Variants in MYO5B observed in about 807,000 individuals in gnomAD.
The protein encoded by MYO5B is unconventional myosin-Vb.
MYO5B carries 143 observed loss-of-function variants against 229.3 expected under a neutral mutation model. That is an observed-to-expected ratio of 0.62 (90% CI 0.54 to 0.72). The LOEUF (loss-of-function observed/expected upper bound fraction) is 0.72. Among genes scored for constraint, MYO5B ranks in the 30% least tolerant of loss-of-function variants. The pLI, the probability that MYO5B is intolerant of heterozygous loss-of-function variation, is 0.00. For synonymous variants in MYO5B, 918 were observed against 885.2 expected, an observed-to-expected ratio of 1.04 and a Z score of -0.66; for missense variants, 2,321 against 2,331.0, an observed-to-expected ratio of 1.00 and a Z score of 0.09.
At chr18:49,921,555 C>T (rs898035101) in intron 17 of MYO5B, among the ~76,000 whole-genome samples, 8 of 152,158 alleles carry the variant, frequency 5.3e-5, no homozygotes, top group African/African-American at 1.9e-4. Flanking sequence ...CATTTTAAAT[C>T]AGACTCACAG....
intron 17 of MYO5B, among the ~76,000 whole-genome samples, chr18:49,916,864 G>A (rs1312765716): frequency 6.6e-6 from 1 of 152,224 alleles, no homozygotes; most frequent in Non-Finnish European, 1.5e-5. Flanking sequence ...ACTCTCCCAA[G>A]AAAGGCTCCC....
At chr18:49,960,499 C>T (rs1490739667) in intron 12 of MYO5B, among the ~76,000 whole-genome samples, 2 of 152,192 alleles carry the variant, frequency 1.3e-5, no homozygotes, top group Non-Finnish European at 2.9e-5. Context: ...AATTTCCATG[C>T]AGTAAAATGC....
Position 49,919,680 on chromosome 18 carries a change from A to G in MYO5B, c.2091-7507T>C, listed in dbSNP as rs186620610. Reference sequence around the variant, plus strand: ...AAAGGACAGACAAGAACAAATGTTGATGAGAATGCATAGAAACGGGAACCC... The same window carrying G: ...AAAGGACAGACAAGAACAAATGTTGGTGAGAATGCATAGAAACGGGAACCC... On this transcript the variant is annotated intron_variant, in intron 17 of 39. Transcript: ENST00000285039. Among the ~76,000 whole-genome samples the G allele has an allele frequency of 8.1e-4, 124 of 152,350 alleles. 2 individuals carry two copies. The highest frequency in any genetic ancestry group is 2.2e-3 in the African/African-American group (92 of 41,584).
At chr18:50,100,693 C>T (rs753282836) in intron 1 of MYO5B, among the ~76,000 whole-genome samples, 4 of 152,228 alleles carry the variant, frequency 2.6e-5, no homozygotes, top group Non-Finnish European at 4.4e-5. Context: ...TCTCCCCTCT[C>T]TTTTCCAGGT....
At chr18:50,050,397 T>C (rs1042095729) in intron 2 of MYO5B, among the ~76,000 whole-genome samples, 1 of 152,206 alleles carries the variant, frequency 6.6e-6, no homozygotes, top group African/African-American at 2.4e-5. Flanking sequence ...ATAGTCCTAG[T>C]GGTTTTGTGA....
In MYO5B at chr18:49,891,447, A is replaced by T. The variant is rs576197335; in HGVS notation, c.3045+3494T>A. 9.9e-5 allele frequency among the ~76,000 whole-genome samples: 15 copies of T among 152,254 alleles called. No individual in the cohort carries two copies. The East Asian group carries it at 2.7e-3, about 27-fold the overall frequency. On this transcript the variant is annotated intron_variant, in intron 22 of 39. Coordinates refer to ENST00000285039, the MANE Select transcript of MYO5B (RefSeq NM_001080467.3). Reference sequence around the variant, plus strand: ...CCCCACACATTTAAGCTCCTTAAGAACGAGAAGGGTTTTTTCAAACACCAT... The same window carrying T: ...CCCCACACATTTAAGCTCCTTAAGATCGAGAAGGGTTTTTTCAAACACCAT...
At chr18:50,101,325 G>A (rs1353097670) in intron 1 of MYO5B, among the ~76,000 whole-genome samples, 1 of 152,152 alleles carries the variant, frequency 6.6e-6, no homozygotes, top group Non-Finnish European at 1.5e-5. Flanking sequence ...CAGGGAAGAG[G>A]GGTACTTAGT....
chr18:49,984,669 C>T (rs533815059), intron 8 of MYO5B, 49 bp downstream of exon 8: 20 of 1,405,472 alleles, frequency 1.4e-5, no homozygotes, highest in African/African-American at 1.1e-4. Flanking sequence ...TTCTACCCTC[C>T]GTGCCATCAG....
intron 1 of MYO5B, among the ~76,000 whole-genome samples, chr18:50,118,572 T>C (rs1166025860): frequency 6.6e-6 from 1 of 152,102 alleles, no homozygotes; most frequent in Non-Finnish European, 1.5e-5. Flanking sequence ...TTAGGGTACA[T>C]GTGCACAACG....
intron 22 of MYO5B, among the ~76,000 whole-genome samples, chr18:49,888,653 G>A (rs2144120762): frequency 6.6e-6 from 1 of 152,278 alleles, no homozygotes. Context: ...TTTGTCCTCA[G>A]GAAACACTGA....
At chr18:50,074,719 A>G (rs1216415983) in intron 1 of MYO5B, among the ~76,000 whole-genome samples, 1 of 151,956 alleles carries the variant, frequency 6.6e-6, no homozygotes, top group African/African-American at 2.4e-5. Flanking sequence ...CACCATCCCC[A>G]CTATCAGATT....
intron 1 of MYO5B, among the ~76,000 whole-genome samples, chr18:50,061,120 T>C (rs547878932): frequency 1.3e-5 from 2 of 152,320 alleles, no homozygotes; most frequent in Admixed American, 6.5e-5. Flanking sequence ...GAGCACAGCA[T>C]TTATCCATAT....
chr18:49,913,406 T>C (rs1352286587), intron 17 of MYO5B, among the ~76,000 whole-genome samples: 3 of 152,228 alleles, frequency 2.0e-5, no homozygotes, highest in African/African-American at 7.2e-5. Context: ...TATAGTCATG[T>C]AGTGACTCAG....
intron 1 of MYO5B, among the ~76,000 whole-genome samples, chr18:50,087,776 T>C (rs1252065742): frequency 6.6e-6 from 1 of 152,070 alleles, no homozygotes; most frequent in Non-Finnish European, 1.5e-5. Flanking sequence ...TTGCCAGTTT[T>C]GATTGATGAG....
chr18:49,889,928 C>A (rs1942324), intron 22 of MYO5B, among the ~76,000 whole-genome samples: 3 of 151,894 alleles, frequency 2.0e-5, no homozygotes, highest in Admixed American at 2.0e-4. Context: ...CCTCTGTCTC[C>A]CTCTTTGATT....
chr18:50,089,485 C>G (rs2031400419), intron 1 of MYO5B, among the ~76,000 whole-genome samples: 1 of 151,764 alleles, frequency 6.6e-6, no homozygotes, highest in Non-Finnish European at 1.5e-5. Context: ...TGCCTGTAAT[C>G]TCAGCACACT....
At position 50,195,073 on chromosome 18, in the gene MYO5B, G is replaced by GGAGGAGGCGAGGGCCGGC; in HGVS notation, c.-298_-281dup. On this transcript the variant is annotated 5_prime_UTR_variant, in exon 1 of 40. Transcript: ENST00000285039. ...CGCACCACTCCCCTCCCAGGTGTGG[G>GGAGGAGGCGAGGGCCGGC]GAGGAGGCGAGGGCCGGCGAGGAGG... is the stretch of plus-strand genomic sequence containing the variant. 3.2e-6 allele frequency: 1 copy of GGAGGAGGCGAGGGCCGGC among 310,302 alleles called. No homozygotes were observed. The highest frequency in any genetic ancestry group is 1.6e-4 in the South Asian group (1 of 6,360). The allele number at this position is 310,302 out of a possible 1,614,324, so 19.2% of individuals were successfully genotyped here. A position where few individuals can be genotyped will look rare whatever the true frequency, so the allele number is the denominator to read the frequency against.
chr18:49,896,709 G>T (rs1170158744), intron 21 of MYO5B, among the ~76,000 whole-genome samples: 2 of 152,132 alleles, frequency 1.3e-5, no homozygotes, highest in Admixed American at 6.5e-5. Flanking sequence ...GACAAAGATG[G>T]CACCTCAGGA....
chr18:50,089,954 C>T (rs1010093334), intron 1 of MYO5B, among the ~76,000 whole-genome samples: 3 of 152,176 alleles, frequency 2.0e-5, no homozygotes, highest in African/African-American at 7.2e-5. Context: ...GAATGACATA[C>T]CTGGTCAAAC....
Sources: allele counts gnomAD v4.1 joint callset (sites outside exome capture counted in the v4.1 genomes callset), GRCh38; gene constraint gnomAD v4.1.1; transcripts MANE v1.5; gene names NCBI Gene and HGNC (gene_info 2026-07-23, HGNC 2026-07-21).